The following PCDH11X variants were observed in gnomAD, a reference collection of about 807,000 sequenced individuals.
PCDH11X encodes the protein protocadherin 11 X-linked.
PCDH11X carries 18 observed loss-of-function variants against 53.3 expected under a neutral mutation model. The observed-to-expected ratio is 0.34, with a 90% CI of 0.23 to 0.50. PCDH11X has a LOEUF of 0.50. Ranked by LOEUF, PCDH11X falls within the 20% of genes least tolerant of loss-of-function variation. PCDH11X has a pLI of 0.98. For synonymous variants in PCDH11X, 279 were observed against 393.3 expected (o/e 0.71, Z 3.44); for missense variants, 570 against 1,032.4 (o/e 0.55, Z 6.14).
At chrX:91,794,583 T>A (rs750037194) in intron 1 of PCDH11X, among the ~76,000 whole-genome samples, 2 of 111,770 alleles carry the variant, frequency 1.8e-5, no homozygotes, top group Non-Finnish European at 3.8e-5. Context: ...CTGAGGTAAA[T>A]CATGACTAGC....
chrX:91,866,153 C>G (rs1483606704), intron 5 of PCDH11X, among the ~76,000 whole-genome samples: 4 of 111,005 alleles, frequency 3.6e-5, no homozygotes, highest in African/African-American at 1.3e-4. Context: ...CTTACCTCTC[C>G]TTTCCCTAAG....
At chrX:92,476,076 G>T (rs1016046122) in intron 10 of PCDH11X, among the ~76,000 whole-genome samples, 1 of 111,248 alleles carries the variant, frequency 9.0e-6, no homozygotes, top group African/African-American at 3.3e-5. Context: ...TCATGGGGAT[G>T]GGCTTTTCCC....
At chrX:91,784,886 T>C (rs1327210606) in intron 1 of PCDH11X, among the ~76,000 whole-genome samples, 2 of 111,756 alleles carry the variant, frequency 1.8e-5, no homozygotes, top group Non-Finnish European at 3.8e-5. Flanking sequence ...CACTCTACTT[T>C]AAACTTGCTT....
chrX:92,143,613 A>G (rs1294622581), intron 6 of PCDH11X, among the ~76,000 whole-genome samples: 2 of 112,444 alleles, frequency 1.8e-5, no homozygotes, highest in East Asian at 5.7e-4. Flanking sequence ...TTAGAAGAAG[A>G]TGTATGGAAA....
intron 10 of PCDH11X, among the ~76,000 whole-genome samples, chrX:92,601,959 C>T (rs1926277321): frequency 8.9e-6 from 1 of 112,004 alleles, no homozygotes; most frequent in Non-Finnish European, 1.9e-5. Flanking sequence ...TGGTTAAGAA[C>T]ATTGTGCCTA....
chrX:92,250,311 A>C (rs970304201), intron 7 of PCDH11X, among the ~76,000 whole-genome samples: 1 of 110,899 alleles, frequency 9.0e-6, no homozygotes, highest in Non-Finnish European at 1.9e-5. Flanking sequence ...TGGTGAGGAT[A>C]TAGAGAAATT....
At chrX:92,470,286 T>C (rs1482786717) in intron 10 of PCDH11X, among the ~76,000 whole-genome samples, 1 of 99,069 alleles carries the variant, frequency 1.0e-5, no homozygotes, top group East Asian at 3.1e-4. Flanking sequence ...TTGTTGGATT[T>C]TGGATACGAA....
chrX:92,135,126 T>C (rs112258896), intron 6 of PCDH11X, among the ~76,000 whole-genome samples: 2 of 110,844 alleles, frequency 1.8e-5, no homozygotes, highest in South Asian at 7.7e-4. Context: ...AGTGTTTTCA[T>C]TGTATTAAAA....
chrX:92,413,835 T>C (rs1206963831), intron 9 of PCDH11X, among the ~76,000 whole-genome samples: 2 of 107,225 alleles, frequency 1.9e-5, no homozygotes, highest in Non-Finnish European at 3.8e-5. Flanking sequence ...GAAATATGTG[T>C]ATGTACAACT....
At chrX:91,846,247 T>C (rs1409668090) in intron 5 of PCDH11X, among the ~76,000 whole-genome samples, 1 of 111,899 alleles carries the variant, frequency 8.9e-6, no homozygotes, top group African/African-American at 3.2e-5. Context: ...TTTCTTTTTT[T>C]CATCTTAAGG....
chrX:92,606,956 C>T (rs938877466), intron 10 of PCDH11X, among the ~76,000 whole-genome samples: 4 of 110,000 alleles, frequency 3.6e-5, no homozygotes, highest in African/African-American at 1.3e-4. Flanking sequence ...ATATGCAAAT[C>T]TAAATCACAA....
chrX:92,014,346 C>T (rs2062751200), intron 6 of PCDH11X, among the ~76,000 whole-genome samples: 2 of 111,405 alleles, frequency 1.8e-5, no homozygotes, highest in South Asian at 3.8e-4. Flanking sequence ...TACCATCTCA[C>T]ACCAGTTAGA....
chrX:91,909,454 A>G (rs1280154214), intron 6 of PCDH11X, among the ~76,000 whole-genome samples: 1 of 108,034 alleles, frequency 9.3e-6, no homozygotes, highest in South Asian at 4.1e-4. Context: ...TTGAAAATCC[A>G]TTAAAAACAC....
chrX:92,013,670 G>T (rs752552857), intron 6 of PCDH11X, among the ~76,000 whole-genome samples: 1 of 111,281 alleles, frequency 9.0e-6, no homozygotes, highest in African/African-American at 3.3e-5. Context: ...GCATGGTATT[G>T]GTACCAAAAC....
At chrX:92,135,034 C>T (rs748144533) in intron 6 of PCDH11X, among the ~76,000 whole-genome samples, 1 of 109,818 alleles carries the variant, frequency 9.1e-6, no homozygotes, top group African/African-American at 3.3e-5. Context: ...GGTTCAAATG[C>T]CTCTGACAAC....
At chrX:92,508,369 C>T (rs2074104119) in intron 10 of PCDH11X, among the ~76,000 whole-genome samples, 1 of 109,484 alleles carries the variant, frequency 9.1e-6, no homozygotes, top group Non-Finnish European at 1.9e-5. Context: ...ATTACAGGCA[C>T]GTGCCTCCAC....
chrX:92,298,334 G>A (rs2068652007), intron 8 of PCDH11X, among the ~76,000 whole-genome samples: 1 of 111,375 alleles, frequency 9.0e-6, no homozygotes, highest in South Asian at 3.8e-4. Flanking sequence ...TGCCTAGTTT[G>A]GTGAGTGTTT....
At chrX:92,257,408 A>G (rs1350264532) in intron 7 of PCDH11X, among the ~76,000 whole-genome samples, 1 of 111,420 alleles carries the variant, frequency 9.0e-6, no homozygotes, top group Non-Finnish European at 1.9e-5. Flanking sequence ...ATTTCAAAAT[A>G]AAATCATGCT....
Position 92,251,376 on chromosome X carries a change from G to T in PCDH11X, c.3115-11738G>T, listed in dbSNP as rs1376388669. ...TAAATATTTATTGCAGGTATACTTT[G>T]TGCCAGGTACTTTTATAGGGATTGA... On this transcript the variant is annotated intron_variant, in intron 7 of 10. Coordinates refer to ENST00000682573, the MANE Select transcript of PCDH11X (RefSeq NM_032968.5). 5.4e-5 allele frequency among the ~76,000 whole-genome samples: 6 copies of T among 110,694 alleles called. No homozygotes were observed. The East Asian group carries it at 1.7e-3, about 32-fold the overall frequency.
Sources: allele counts gnomAD v4.1 joint callset (sites outside exome capture counted in the v4.1 genomes callset), GRCh38; gene constraint gnomAD v4.1.1; transcripts MANE v1.5; gene names NCBI Gene and HGNC (gene_info 2026-07-23, HGNC 2026-07-21).